The following ASXL3 variants were observed in gnomAD, a reference collection of about 807,000 sequenced individuals.
ASXL3 encodes putative Polycomb group protein ASXL3.
Under a neutral mutation model 170.6 loss-of-function variants are expected in ASXL3, and 34 were observed. That is an observed-to-expected ratio of 0.20 (90% CI 0.15 to 0.27). ASXL3 has a LOEUF of 0.27. Among genes scored for constraint, ASXL3 ranks in the 10% least tolerant of loss-of-function variants. The pLI, the probability that ASXL3 is intolerant of heterozygous loss-of-function variation, is 1.00. For missense variants in ASXL3, 2,592 were observed against 2,695.3 expected, an observed-to-expected ratio of 0.96 and a Z score of 0.85; for synonymous variants, 1,002 against 989.1, an observed-to-expected ratio of 1.01 and a Z score of -0.24.
In ASXL3 at chr18:33,657,729, AG is replaced by A. The variant is rs200329261; in HGVS notation, c.356-3886del. 9.8e-3 allele frequency among the ~76,000 whole-genome samples: 1,489 copies of A among 152,166 alleles called. 77 individuals are homozygous for A. The highest frequency in any genetic ancestry group is 0.079 in the Admixed American group (1,209 of 15,264). ...CCTTTTGCTCCCTGATCTTCTAAAT[AG>A]AGTATTTTGAGGGAGGGTTTGGGGA... On this transcript the variant is annotated intron_variant, in intron 4 of 11. Coordinates refer to ENST00000269197, the MANE Select transcript of ASXL3 (RefSeq NM_030632.3).
intron 2 of ASXL3, among the ~76,000 whole-genome samples, chr18:33,634,832 C>T (rs1175654881): frequency 6.6e-6 from 1 of 152,160 alleles, no homozygotes; most frequent in East Asian, 1.9e-4. Flanking sequence ...CCTGGCAAGG[C>T]GCTATGAGGT....
rs1427527951 is a variant in ASXL3, at chr18:33,749,069, C to A, written c.*2474C>A. ...TCCAGGTCCGATTAGCATAATTTTT[C>A]TGCGCCCTTTTTTTTTTTTTTTTTG... On this transcript the variant is annotated 3_prime_UTR_variant, in exon 12 of 12. Transcript: ENST00000269197. 4 of 128,158 alleles carry A rather than the reference C, an allele frequency of 3.1e-5. No individual in the cohort carries two copies. Among genetic ancestry groups the A allele is most frequent in the African/African-American group, 1.2e-4 (4 of 32,078 alleles). The allele number at this position is 128,158 out of a possible 1,614,324, so 7.9% of individuals were successfully genotyped here. A position where few individuals can be genotyped will look rare whatever the true frequency, so the allele number is the denominator to read the frequency against.
intron 8 of ASXL3, among the ~76,000 whole-genome samples, chr18:33,715,342 T>G (rs1286686475): frequency 6.6e-6 from 1 of 152,228 alleles, no homozygotes; most frequent in Non-Finnish European, 1.5e-5. Flanking sequence ...CTTTACACTC[T>G]AAAGCCAATC....
intron 8 of ASXL3, among the ~76,000 whole-genome samples, chr18:33,723,049 ATTC>A (rs1191630602): frequency 3.9e-5 from 6 of 152,174 alleles, no homozygotes; most frequent in Non-Finnish European, 7.3e-5. Flanking sequence ...CAGAAAAAAT[ATTC>A]TTTTCAAAAT....
At chr18:33,697,979 A>G (rs1210450654) in intron 8 of ASXL3, among the ~76,000 whole-genome samples, 1 of 152,100 alleles carries the variant, frequency 6.6e-6, no homozygotes, top group Non-Finnish European at 1.5e-5. Context: ...GTGTATTGCT[A>G]GCCCAGTAGA....
At chr18:33,649,596 A>G (rs2145208135) in intron 4 of ASXL3, 1 of 152,252 alleles carries the variant, frequency 6.6e-6, no homozygotes, top group South Asian at 2.1e-4. Flanking sequence ...GGACCACTCT[A>G]CAAGTACAGA....
At position 33,683,440 on chromosome 18, in the gene ASXL3, A is replaced by G. The variant is rs1282568677; in HGVS notation, c.751A>G (p.Ile251Val). The G allele has an allele frequency of 6.2e-7, 1 of 1,613,570 alleles. No homozygotes were observed. The part of the protein sequence containing the change: ...LKWTKAEDID[I>V]ETPGSILVNT... ...ATGGACCAAAGCTGAGGACATTGACATAGAAACCCCAGGATCTATTCTTGT... is the reference window on the plus strand; with the variant it reads ...ATGGACCAAAGCTGAGGACATTGACGTAGAAACCCCAGGATCTATTCTTGT... The change falls in exon 8 of 12, where the codon ATA becomes GTA. Residue 251 changes from isoleucine to valine, a missense_variant. This residue lies in a region of ASXL3 where 73 missense variants were observed against 142.7 expected (regional missense o/e 0.51). Transcript: ENST00000269197.
intron 1 of ASXL3, among the ~76,000 whole-genome samples, chr18:33,589,561 C>T (rs544352094): frequency 6.6e-6 from 1 of 152,282 alleles, no homozygotes; most frequent in East Asian, 1.9e-4. Context: ...AGAAAAAAGG[C>T]TTGCTCTGAC....
intron 8 of ASXL3, among the ~76,000 whole-genome samples, chr18:33,685,875 G>A (rs1033815256): frequency 6.6e-6 from 1 of 152,198 alleles, no homozygotes; most frequent in Admixed American, 6.5e-5. Flanking sequence ...ATTCATGAGA[G>A]ATCTGCCCCC....
rs571668777 is a variant in ASXL3 at position 33,600,912 on chromosome 18, G to A, written c.55-6682G>A. ...TAATTGCTTGAAAGTTTCAGTATATGTTGTTGGAAGTAAGTTGTTACTGTT... is the reference window on the plus strand; with the variant it reads ...TAATTGCTTGAAAGTTTCAGTATATATTGTTGGAAGTAAGTTGTTACTGTT... On this transcript the variant is annotated intron_variant, in intron 1 of 11. Coordinates refer to ENST00000269197, the MANE Select transcript of ASXL3 (RefSeq NM_030632.3). 3.9e-5 allele frequency among the ~76,000 whole-genome samples: 6 copies of A among 152,226 alleles called. No individual in the cohort carries two copies. The East Asian group carries it at 1.2e-3, about 29-fold the overall frequency.
Position 33,585,926 on chromosome 18 carries a change from A to G in ASXL3, c.54+7241A>G, listed in dbSNP as rs183099694. ...TATGATTTTTTAAAACAATTGCACA[A>G]TTGGTATTTTTGGCAAGTACACGTA... On this transcript the variant is annotated intron_variant, in intron 1 of 11. Transcript: ENST00000269197. 2.9e-3 allele frequency among the ~76,000 whole-genome samples: 435 copies of G among 152,286 alleles called. 1 individual carries two copies. Among genetic ancestry groups the G allele is most frequent in the Non-Finnish European group, 4.2e-3 (286 of 68,010 alleles).
Position 33,744,593 on chromosome 18 carries a change from A to C in ASXL3, c.4745A>C (p.Gln1582Pro), listed in dbSNP as rs945272244. The change falls in exon 12 of 12, where the codon CAG becomes CCG. Residue 1582 changes from glutamine (Q) to proline (P), a missense_variant. This residue lies in a region of ASXL3 where 2,246 missense variants were observed against 2,219.6 expected (regional missense o/e 1.01). Coordinates refer to ENST00000269197, the MANE Select transcript of ASXL3 (RefSeq NM_030632.3). ...PTAPSHNFAE[Q>P]ARGPAPFKSE... The stretch of plus-strand genomic sequence containing the variant: ...GCTCCCAGTCATAACTTTGCTGAGC[A>C]GGCACGTGGCCCAGCTCCTTTCAAA... 3 of 1,610,062 alleles carry C rather than the reference A, an allele frequency of 1.9e-6. No individual in the cohort carries two copies. The African/African-American group carries it at 4.0e-5, about 21-fold the overall frequency.
chr18:33,631,492 A>G (rs1163454485), intron 2 of ASXL3, among the ~76,000 whole-genome samples: 1 of 152,130 alleles, frequency 6.6e-6, no homozygotes, highest in Non-Finnish European at 1.5e-5. Flanking sequence ...ATTATTCACA[A>G]AGGTCATTAA....
chr18:33,719,911 T>C lies in ASXL3; in HGVS notation c.880-12057T>C, dbSNP rs1295542604. The stretch of plus-strand genomic sequence containing the variant: ...ATAAGCTGCCCAGTCTATGGTACTT[T>C]GTTATTGCAGACCAGACAGACTAAG... On this transcript the variant is annotated intron_variant, in intron 8 of 11. Coordinates refer to ENST00000269197, the MANE Select transcript of ASXL3 (RefSeq NM_030632.3). 2.0e-5 allele frequency among the ~76,000 whole-genome samples: 3 copies of C among 152,036 alleles called. No individual in the cohort carries two copies. In the East Asian group the frequency reaches 5.8e-4, roughly 29 times the overall value.
In ASXL3 at chr18:33,745,914, T is replaced by TCA; in HGVS notation, c.6067_6068insAC (p.Pro2023HisfsTer58). ...TAGTACATCCGCCGCCGCCACCGCC[T>TCA]CCCCCTCCCCCTCCACCCTTGGCTT... On this transcript the variant is annotated frameshift_variant, in exon 12 of 12. Transcript: ENST00000269197. LOFTEE classifies it high-confidence loss of function. The TCA allele has an allele frequency of 1.5e-6, 2 of 1,339,478 alleles. No individual in the cohort carries two copies. Among genetic ancestry groups the TCA allele is most frequent in the South Asian group, 1.3e-5 (1 of 79,278 alleles). 83.0% of individuals were successfully genotyped at this position (1,339,478 alleles called of 1,614,324 possible). A position where few individuals can be genotyped will look rare whatever the true frequency, so the allele number is the denominator to read the frequency against.
At position 33,644,894 on chromosome 18, in the gene ASXL3, T is replaced by G. The variant is rs1183277022; in HGVS notation, c.138T>G (p.Ser46Arg). The G allele has an allele frequency of 2.6e-6, 4 of 1,553,698 alleles. No individual in the cohort carries two copies. The highest frequency in any genetic ancestry group is 2.6e-6 in the Non-Finnish European group (3 of 1,143,608). The change falls in exon 3 of 12, where the codon AGT becomes AGG. Residue 46 changes from serine (S) to arginine (R), a missense_variant and splice_region_variant. Ser to Arg is a moderately radical substitution (Grantham distance 110, BLOSUM62 -1). Transcript: ENST00000269197. The part of the protein sequence containing the change: ...VIQKEGLKET[S>R]GTSPLACLNA... ...ATTTTTGCACACTTTTATTTTCTAGTGGAACCTCTCCATTAGCCTGTCTGA... is the reference window on the plus strand; with the variant it reads ...ATTTTTGCACACTTTTATTTTCTAGGGGAACCTCTCCATTAGCCTGTCTGA...
chr18:33,622,023 A>G (rs1037063314), intron 2 of ASXL3, among the ~76,000 whole-genome samples: 3 of 152,220 alleles, frequency 2.0e-5, no homozygotes, highest in Non-Finnish European at 4.4e-5. Flanking sequence ...GAAAAGCCCA[A>G]TCAGTAAATG....
Position 33,739,736 on chromosome 18 carries a change from C to A in ASXL3, c.2332C>A (p.Pro778Thr). 1 of 1,613,772 alleles carries A rather than the reference C, an allele frequency of 6.2e-7. No homozygotes were observed. The highest frequency in any genetic ancestry group is 2.2e-5 in the East Asian group (1 of 44,844). ...AAAGTCACCTTCTGTATCTGAAGAGCCACTCTCCCCGCAGAAAGATGAGTC... is the reference window on the plus strand; with the variant it reads ...AAAGTCACCTTCTGTATCTGAAGAGACACTCTCCCCGCAGAAAGATGAGTC... ...QRKSPSVSEE[P>T]LSPQKDESSA... Residue 778 changes from proline (P) to threonine (T), a missense_variant, in exon 11 of 12, where the codon CCA becomes ACA. By Grantham distance (38) the Pro-to-Thr change is conservative. This residue lies in a region of ASXL3 where 2,246 missense variants were observed against 2,219.6 expected (regional missense o/e 1.01). Coordinates refer to ENST00000269197, the MANE Select transcript of ASXL3 (RefSeq NM_030632.3).
chr18:33,689,882 G>T (rs1353947440), intron 8 of ASXL3, among the ~76,000 whole-genome samples: 11 of 152,022 alleles, frequency 7.2e-5, no homozygotes, highest in Admixed American at 7.2e-4. Flanking sequence ...ACAGACACAC[G>T]TGTGTGTGCA....
Sources: gnomAD v4.1 joint callset for allele counts (sites outside exome capture counted in the v4.1 genomes callset) on GRCh38, gnomAD v4.1.1 for gene constraint, gnomAD v4.1.1 regional missense constraint, MANE v1.5 for transcripts, NCBI Gene and HGNC (gene_info 2026-07-23, HGNC 2026-07-21) for gene names.